The following PDE3B variants were observed in gnomAD, a reference collection of about 807,000 sequenced individuals.
The protein encoded by PDE3B is phosphodiesterase 3B.
A neutral mutation model predicts 116.8 loss-of-function variants in PDE3B; 66 were observed. The observed-to-expected ratio is 0.56, with a 90% CI of 0.46 to 0.69. The LOEUF (loss-of-function observed/expected upper bound fraction) is 0.69, where lower values mean the gene tolerates loss of function less well. Among genes scored for constraint, PDE3B ranks in the 30% least tolerant of loss-of-function variants. The pLI, the probability that PDE3B is intolerant of heterozygous loss-of-function variation, is 0.00. For synonymous variants in PDE3B, 595 were observed against 533.6 expected (o/e 1.12, Z -1.59); for missense variants, 1,384 against 1,368.1 (o/e 1.01, Z -0.18).
intron 1 of PDE3B, among the ~76,000 whole-genome samples, chr11:14,701,569 T>G (rs1855361915): frequency 6.6e-6 from 1 of 151,734 alleles, no homozygotes; most frequent in African/African-American, 2.4e-5. Flanking sequence ...CCCCATTTCT[T>G]AAGGTATTTA....
chr11:14,674,057 A>G, intron 1 of PDE3B: 1 of 1,525,682 alleles, frequency 6.6e-7, no homozygotes, highest in South Asian at 1.1e-5. Context: ...TCAACAAGCC[A>G]CAGTTTTAGC....
rs3758763 is a variant in PDE3B at position 14,868,437 on chromosome 11, G to C, written c.3139+679G>C. On this transcript the variant is annotated intron_variant, in intron 15 of 15. Coordinates refer to ENST00000282096, the MANE Select transcript of PDE3B (RefSeq NM_000922.4). The stretch of plus-strand genomic sequence containing the variant: ...CTTGAGAAGTAGATCAAAACAGTGG[G>C]GGGGAGGGGGGAAGGAAAACATACA... Among the ~76,000 whole-genome samples, 266 of 152,278 alleles carry C rather than the reference G, an allele frequency of 1.7e-3. 7 individuals carry two copies. In the East Asian group the frequency reaches 0.047, roughly 27 times the overall value.
intron 1 of PDE3B, among the ~76,000 whole-genome samples, chr11:14,725,333 C>CTTTCTT (rs1565109756): frequency 9.7e-5 from 13 of 133,522 alleles, no homozygotes; most frequent in African/African-American, 3.5e-4. Flanking sequence ...CTTTCTTTTT[C>CTTTCTT]TTTCTTTCTT....
intron 13 of PDE3B, 90 bp from the exon 14 acceptor site, chr11:14,861,115 C>T: frequency 1.1e-6 from 1 of 927,116 alleles, no homozygotes. Flanking sequence ...AGACAGGAAA[C>T]AGTTTTAAGA....
intron 11 of PDE3B, among the ~76,000 whole-genome samples, chr11:14,836,283 T>C (rs924160818): frequency 6.6e-6 from 1 of 152,136 alleles, no homozygotes; most frequent in African/African-American, 2.4e-5. Context: ...ACTTTCACAG[T>C]TTTTGCTGAC....
At chr11:14,716,010 G>A (rs1368473289) in intron 1 of PDE3B, among the ~76,000 whole-genome samples, 69 of 152,218 alleles carry the variant, frequency 4.5e-4, no homozygotes, top group Non-Finnish European at 8.8e-4. Context: ...CTGAGGTACC[G>A]GGTTCATCTC....
At chr11:14,769,544 A>G (rs113818981) in intron 1 of PDE3B, among the ~76,000 whole-genome samples, 17,794 of 149,398 alleles carry the variant, frequency 0.12, 1,348 homozygotes, top group African/African-American at 0.22. Context: ...CAGCAGGACT[A>G]CTTTTTATCA....
chr11:14,668,207 AAC>A (rs1854244584), intron 1 of PDE3B, among the ~76,000 whole-genome samples: 1 of 152,084 alleles, frequency 6.6e-6, no homozygotes, highest in African/African-American at 2.4e-5. Context: ...ATCTTTTTGT[AAC>A]AGAGTCCTAC....
intron 1 of PDE3B, among the ~76,000 whole-genome samples, chr11:14,668,016 T>A (rs1854233505): frequency 6.6e-6 from 1 of 151,704 alleles, no homozygotes; most frequent in Admixed American, 6.6e-5. Flanking sequence ...GGCCAAAAGC[T>A]TAATTAATGC....
chr11:14,866,885 A>G (rs956101921), intron 14 of PDE3B, among the ~76,000 whole-genome samples: 2 of 152,152 alleles, frequency 1.3e-5, no homozygotes, highest in African/African-American at 4.8e-5. Flanking sequence ...AGCTTGCCCA[A>G]CACCACACAG....
chr11:14,888,378 A>C, the PDE3B span, among the ~76,000 whole-genome samples: 1 of 152,228 alleles, frequency 6.6e-6, no homozygotes, highest in Non-Finnish European at 1.5e-5. Flanking sequence ...ACATTTAAAC[A>C]TATTATTATA....
intron 4 of PDE3B, among the ~76,000 whole-genome samples, chr11:14,793,044 C>T (rs1858440597): frequency 2.0e-5 from 3 of 152,178 alleles, no homozygotes; most frequent in African/African-American, 7.2e-5. Flanking sequence ...CAAATGGCTG[C>T]TTAACAAGTG....
downstream of PDE3B, among the ~76,000 whole-genome samples, chr11:14,873,189 CCAAT>C (rs1208121382): frequency 1.3e-5 from 2 of 152,138 alleles, no homozygotes; most frequent in Non-Finnish European, 1.5e-5. Flanking sequence ...CTAATGATAA[CCAAT>C]CAGTTTTTAT....
intron 1 of PDE3B, among the ~76,000 whole-genome samples, chr11:14,746,809 A>G (rs1279157576): frequency 6.6e-6 from 1 of 152,210 alleles, no homozygotes; most frequent in African/African-American, 2.4e-5. Context: ...TTCGATGGTA[A>G]TTTTGGAAGA....
chr11:14,762,952 C>G (rs1565126155), intron 1 of PDE3B, among the ~76,000 whole-genome samples: 1 of 152,150 alleles, frequency 6.6e-6, no homozygotes, highest in Non-Finnish European at 1.5e-5. Context: ...ATCTATTAGA[C>G]AGCCAACTGG....
chr11:14,832,332 A>C (rs1859910983), intron 9 of PDE3B, among the ~76,000 whole-genome samples: 2 of 152,228 alleles, frequency 1.3e-5, no homozygotes, highest in Non-Finnish European at 2.9e-5. Context: ...GAAATATATA[A>C]GTTCATTTAA....
chr11:14,735,013 C>T (rs1292317436), intron 1 of PDE3B, among the ~76,000 whole-genome samples: 1 of 152,174 alleles, frequency 6.6e-6, no homozygotes, highest in African/African-American at 2.4e-5. Flanking sequence ...TCTCTTTCAT[C>T]TCTTTCAATC....
At chr11:14,649,625 TGAGA>T (rs761840849) in intron 1 of PDE3B, among the ~76,000 whole-genome samples, 2 of 152,160 alleles carry the variant, frequency 1.3e-5, no homozygotes, top group East Asian at 3.8e-4. Flanking sequence ...AGGCAAGAAG[TGAGA>T]GAGAGTCAGT....
the PDE3B span, chr11:14,891,734 G>A: frequency 7.5e-7 from 1 of 1,327,162 alleles, no homozygotes; most frequent in Non-Finnish European, 9.6e-7. Context: ...AATCAGGACT[G>A]GATCGCCTCG....
Sources: gnomAD v4.1 joint callset for allele counts (sites outside exome capture counted in the v4.1 genomes callset) on GRCh38, gnomAD v4.1.1 for gene constraint, MANE v1.5 for transcripts, NCBI Gene and HGNC (gene_info 2026-07-23, HGNC 2026-07-21) for gene names.